Variants in PEBP4 observed in about 807,000 individuals in gnomAD.
PEBP4 encodes phosphatidylethanolamine-binding protein 4.
A neutral mutation model predicts 23.9 loss-of-function variants in PEBP4; 22 were observed. The observed-to-expected ratio is 0.92, with a 90% CI of 0.66 to 1.31. PEBP4 has a LOEUF of 1.31. Among genes scored for constraint, PEBP4 ranks in the 40% most tolerant of loss-of-function variants. The pLI is 0.00. For missense variants in PEBP4, 324 were observed against 281.7 expected (o/e 1.15, Z -1.07); for synonymous variants, 112 against 99.3 (o/e 1.13, Z -0.76).
At position 22,760,316 on chromosome 8, in the gene PEBP4, C is replaced by T. The variant is rs553664388; in HGVS notation, c.358-33096G>A. ...ACTCCGGTGCCCTCCCTCCTAACCACTAAATTATATTGCCTCCCTTACATG... is the reference window on the plus strand; with the variant it reads ...ACTCCGGTGCCCTCCCTCCTAACCATTAAATTATATTGCCTCCCTTACATG... On this transcript the variant is annotated intron_variant, in intron 4 of 6. Coordinates refer to ENST00000256404, the MANE Select transcript of PEBP4 (RefSeq NM_144962.3). 3.3e-5 allele frequency among the ~76,000 whole-genome samples: 5 copies of T among 152,274 alleles called. No individual in the cohort carries two copies. The South Asian group carries it at 6.2e-4, about 19-fold the overall frequency.
chr8:22,846,649 C>T (rs933321498), intron 3 of PEBP4, among the ~76,000 whole-genome samples: 3 of 152,122 alleles, frequency 2.0e-5, no homozygotes, highest in African/African-American at 7.2e-5. Flanking sequence ...CACTGATCCC[C>T]AAAGCATCTC....
chr8:22,905,177 C>G (rs1808785599), intron 3 of PEBP4, among the ~76,000 whole-genome samples: 1 of 151,888 alleles, frequency 6.6e-6, no homozygotes, highest in East Asian at 1.9e-4. Flanking sequence ...AAGTTATATA[C>G]TATTTTCTAA....
chr8:22,794,621 G>A (rs757181044), intron 4 of PEBP4, among the ~76,000 whole-genome samples: 5 of 152,096 alleles, frequency 3.3e-5, no homozygotes, highest in East Asian at 3.9e-4. Flanking sequence ...TTGTAAGTGC[G>A]TTACGTGTTA....
chr8:22,817,814 G>A (rs1040497670), intron 3 of PEBP4, 79 bp from the exon 4 acceptor site: 136 of 1,352,932 alleles, frequency 1.0e-4, no homozygotes, highest in Admixed American at 2.7e-4. Flanking sequence ...TCCTTTTCCC[G>A]CCATTCCAAC....
chr8:22,724,322 G>T (rs1416365518), intron 6 of PEBP4, among the ~76,000 whole-genome samples: 1 of 152,176 alleles, frequency 6.6e-6, no homozygotes, highest in Non-Finnish European at 1.5e-5. Context: ...TGCTCCAGAA[G>T]CCAAGGAGGG....
intron 4 of PEBP4, among the ~76,000 whole-genome samples, chr8:22,801,996 G>A (rs1806392588): frequency 6.6e-6 from 1 of 152,104 alleles, no homozygotes; most frequent in Admixed American, 6.5e-5. Flanking sequence ...TCTCAGTCAA[G>A]GGCTTGATGG....
intron 4 of PEBP4, among the ~76,000 whole-genome samples, chr8:22,767,121 T>C (rs1232050015): frequency 6.6e-6 from 1 of 152,232 alleles, no homozygotes; most frequent in Non-Finnish European, 1.5e-5. Context: ...ACTTGCATTT[T>C]AAAAGATGAC....
At chr8:22,732,110 G>A (rs143817612) in intron 4 of PEBP4, among the ~76,000 whole-genome samples, 108 of 152,080 alleles carry the variant, frequency 7.1e-4, no homozygotes, top group African/African-American at 2.3e-3. Context: ...CAGGAACACC[G>A]AGGTATTTGG....
intron 3 of PEBP4, among the ~76,000 whole-genome samples, chr8:22,908,227 A>C (rs1808856180): frequency 6.6e-6 from 1 of 152,122 alleles, no homozygotes; most frequent in Non-Finnish European, 1.5e-5. Context: ...TATGTGGATG[A>C]AATTTAAAGT....
intron 3 of PEBP4, among the ~76,000 whole-genome samples, chr8:22,900,760 C>G (rs75277124): frequency 2.8e-3 from 425 of 152,252 alleles, no homozygotes; most frequent in African/African-American, 9.9e-3. Context: ...ATCTGTCTAT[C>G]CTATGCTGAT....
At chr8:22,773,898 G>A (rs1222879759) in intron 4 of PEBP4, among the ~76,000 whole-genome samples, 1 of 152,170 alleles carries the variant, frequency 6.6e-6, no homozygotes, top group Non-Finnish European at 1.5e-5. Flanking sequence ...GACGATGGGA[G>A]AGTTGGGAAG....
intron 3 of PEBP4, among the ~76,000 whole-genome samples, chr8:22,830,144 T>TGTG: frequency 6.6e-6 from 1 of 151,340 alleles, no homozygotes; most frequent in East Asian, 1.9e-4. Context: ...TGTGTGTGTG[T>TGTG]GTTTTTACGG....
intron 4 of PEBP4, among the ~76,000 whole-genome samples, chr8:22,777,604 C>T (rs1214332099): frequency 6.6e-6 from 1 of 152,188 alleles, no homozygotes; most frequent in Non-Finnish European, 1.5e-5. Flanking sequence ...CTAGCTCCAT[C>T]GGATACAGGG....
chr8:22,790,858 G>A (rs1806123246), intron 4 of PEBP4, among the ~76,000 whole-genome samples: 1 of 152,136 alleles, frequency 6.6e-6, no homozygotes, highest in South Asian at 2.1e-4. Context: ...TATGCATCCA[G>A]GGTACTTTAA....
intron 4 of PEBP4, among the ~76,000 whole-genome samples, chr8:22,743,758 C>T (rs1805050467): frequency 6.6e-6 from 1 of 152,226 alleles, no homozygotes; most frequent in Non-Finnish European, 1.5e-5. Context: ...GAGCATTCAG[C>T]ACCTGCCGGC....
chr8:22,850,479 G>A (rs568414466), intron 3 of PEBP4, among the ~76,000 whole-genome samples: 9 of 152,336 alleles, frequency 5.9e-5, no homozygotes, highest in African/African-American at 2.2e-4. Flanking sequence ...ACAGCCAGGT[G>A]AGGCGGGAGC....
chr8:22,855,672 T>C (rs1807631591), intron 3 of PEBP4, among the ~76,000 whole-genome samples: 1 of 151,954 alleles, frequency 6.6e-6, no homozygotes. Context: ...GATATCAAAA[T>C]CAAAATTATA....
chr8:22,862,024 C>T (rs761296896), intron 3 of PEBP4, among the ~76,000 whole-genome samples: 15 of 152,052 alleles, frequency 9.9e-5, no homozygotes, highest in Non-Finnish European at 1.8e-4. Flanking sequence ...TAGCACCAAG[C>T]GAGTGATGCC....
intron 5 of PEBP4, among the ~76,000 whole-genome samples, chr8:22,725,382 A>G (rs1427908052): frequency 1.3e-5 from 2 of 150,564 alleles, no homozygotes; most frequent in South Asian, 2.1e-4. Flanking sequence ...TATGAACTCA[A>G]TCCCCAAAGA....
Sources: allele counts gnomAD v4.1 joint callset (sites outside exome capture counted in the v4.1 genomes callset), GRCh38; gene constraint gnomAD v4.1.1; transcripts MANE v1.5; gene names NCBI Gene and HGNC (gene_info 2026-07-23, HGNC 2026-07-21).